The following PSIP1 variants were observed in gnomAD, a reference collection of about 807,000 sequenced individuals.
The protein encoded by PSIP1 is PC4 and SFRS1-interacting protein.
A neutral mutation model predicts 74.7 loss-of-function variants in PSIP1; 19 were observed. The observed-to-expected ratio is 0.25, with a 90% CI of 0.18 to 0.37. The LOEUF is 0.37. Ranked by LOEUF, PSIP1 falls within the 10% of genes least tolerant of loss-of-function variation. The pLI, the probability that PSIP1 is intolerant of heterozygous loss-of-function variation, is 1.00. For synonymous variants in PSIP1, 222 were observed against 195.3 expected, an observed-to-expected ratio of 1.14 and a Z score of -1.14; for missense variants, 601 against 614.3, an observed-to-expected ratio of 0.98 and a Z score of 0.23.
Position 15,486,942 on chromosome 9 carries a change from T to A in PSIP1, c.289-11A>T, listed in dbSNP as rs761934343. ...TTGTTTAGTTGCTGCCTGTGAGCAATCAACTCTATTAATTTCAAAAAATAA... is the reference window on the plus strand; with the variant it reads ...TTGTTTAGTTGCTGCCTGTGAGCAAACAACTCTATTAATTTCAAAAAATAA... On this transcript the variant is annotated splice_polypyrimidine_tract_variant and intron_variant, in intron 4 of 15. Coordinates refer to ENST00000380733, the MANE Select transcript of PSIP1 (RefSeq NM_033222.5). 3 of 1,534,368 alleles carry A rather than the reference T, an allele frequency of 2.0e-6. No individual in the cohort carries two copies. The highest frequency in any genetic ancestry group is 1.8e-6 in the Non-Finnish European group (2 of 1,116,976).
At chr9:15,491,410 A>C (rs560848647) in intron 3 of PSIP1, among the ~76,000 whole-genome samples, 1 of 152,352 alleles carries the variant, frequency 6.6e-6, no homozygotes, top group African/African-American at 2.4e-5. Context: ...AGGAGACTCA[A>C]GTCTTTCCAC....
chr9:15,475,146 T>A (rs1370973809), intron 8 of PSIP1, among the ~76,000 whole-genome samples: 1 of 152,190 alleles, frequency 6.6e-6, no homozygotes, highest in Non-Finnish European at 1.5e-5. Context: ...AGAGAAGAAA[T>A]TTACTTTTGC....
rs146794903 is a variant in PSIP1 at position 15,492,493 on chromosome 9, G to A, written c.150-2369C>T. ...TATGGTTTTGCATGGTACACAACCC[G>A]CCTCAGGCTGGTGTTGAATGTCTGC... On this transcript the variant is annotated intron_variant, in intron 3 of 15. Transcript: ENST00000380733. Among the ~76,000 whole-genome samples the A allele has an allele frequency of 1.6e-4, 24 of 152,244 alleles. No homozygotes were observed. In the East Asian group the frequency reaches 4.4e-3, roughly 28 times the overall value.
chr9:15,510,577 G>A (rs544985095), intron 1 of PSIP1, among the ~76,000 whole-genome samples: 1 of 152,128 alleles, frequency 6.6e-6, no homozygotes, highest in Admixed American at 6.5e-5. Context: ...ATCTTTCTCC[G>A]GGCTTTTTCC....
At position 15,510,131 on chromosome 9, in the gene PSIP1, G is replaced by A. The variant is rs781250003; in HGVS notation, c.58C>T (p.His20Tyr). ...AAATCACTTACTCGAGCTGGCCAAT[G>A]GGGATAACCTTTCATCTTGGCGAAG... ...LIFAKMKGYPHWPARVDEVPD... is the reference protein window; with the variant it reads ...LIFAKMKGYPYWPARVDEVPD... The change falls in exon 2 of 16, where the codon CAT (histidine) becomes TAT (tyrosine). Residue 20 changes from histidine to tyrosine, a missense_variant. By Grantham distance (83) the His-to-Tyr change is moderately conservative (BLOSUM62 2). Coordinates refer to ENST00000380733, the MANE Select transcript of PSIP1 (RefSeq NM_033222.5). The A allele has an allele frequency of 1.2e-6, 2 of 1,607,306 alleles. No homozygotes were observed. The highest frequency in any genetic ancestry group is 1.7e-6 in the Non-Finnish European group (2 of 1,177,062).
chr9:15,486,797 G>T, intron 5 of PSIP1, 30 bp downstream of exon 5: 1 of 1,483,220 alleles, frequency 6.7e-7, no homozygotes, highest in Non-Finnish European at 9.3e-7. Flanking sequence ...AACAAAATGG[G>T]TTTAAAATGT....
chr9:15,500,345 G>A (rs1323323464), intron 3 of PSIP1, among the ~76,000 whole-genome samples: 1 of 151,858 alleles, frequency 6.6e-6, no homozygotes, highest in Non-Finnish European at 1.5e-5. Flanking sequence ...AGCGCCTGTA[G>A]TCCCAGCTAC....
intron 5 of PSIP1, 33 bp from the exon 6 acceptor site, chr9:15,486,101 T>C (rs1177587257): frequency 1.3e-6 from 2 of 1,499,860 alleles, no homozygotes; most frequent in African/African-American, 2.8e-5. Flanking sequence ...GAATACTGAA[T>C]AAATTATTCC....
chr9:15,466,650 A>G lies in PSIP1; in HGVS notation c.1532+98T>C, dbSNP rs183892269. 1,340 of 896,936 alleles carry G rather than the reference A, an allele frequency of 1.5e-3. 25 individuals carry two copies. The South Asian group carries it at 0.025, about 17-fold the overall frequency. The allele number at this position is 896,936 out of a possible 1,614,324, so 55.6% of individuals were successfully genotyped here. On this transcript the variant is annotated intron_variant, in intron 15 of 15. Transcript: ENST00000380733. ...AATTCAGGAATTGGGTGATCAAAAG[A>G]TAACTGCTTATTATAGTAAGATAAC...
chr9:15,485,801 C>A, intron 6 of PSIP1: 2 of 419,054 alleles, frequency 4.8e-6, no homozygotes, highest in Non-Finnish European at 8.4e-6. Flanking sequence ...ATTTTATTTC[C>A]TTTACCACTC....
At chr9:15,491,306 CAG>C (rs1189108394) in intron 3 of PSIP1, among the ~76,000 whole-genome samples, 1 of 152,144 alleles carries the variant, frequency 6.6e-6, no homozygotes, top group Non-Finnish European at 1.5e-5. Flanking sequence ...TGGCAATAAA[CAG>C]ACTGCAAAAA....
chr9:15,493,367 T>A (rs1042018513), intron 3 of PSIP1, among the ~76,000 whole-genome samples: 1 of 152,198 alleles, frequency 6.6e-6, no homozygotes, highest in African/African-American at 2.4e-5. Flanking sequence ...GCCATATCAT[T>A]ATCAGCATTT....
At chr9:15,470,477 A>T (rs570041063) in intron 10 of PSIP1, among the ~76,000 whole-genome samples, 2 of 152,210 alleles carry the variant, frequency 1.3e-5, no homozygotes, top group African/African-American at 4.8e-5. Context: ...GACGTCCAGT[A>T]ACATTCACTA....
rs2035735949 is a variant in PSIP1 at position 15,468,948 on chromosome 9, A to G, written c.1206+9T>C. 5 of 1,611,978 alleles carry G rather than the reference A, an allele frequency of 3.1e-6. No individual in the cohort carries two copies. The African/African-American group carries it at 5.3e-5, about 17-fold the overall frequency. ...ATTCAAAGAATCCACATGACTTGAA[A>G]TCACTTACTTTTTTCAGTGTAGTAA... On this transcript the variant is annotated intron_variant, in intron 13 of 15. Transcript: ENST00000380733.
chr9:15,500,730 C>A (rs898018257), intron 3 of PSIP1, among the ~76,000 whole-genome samples: 2 of 152,090 alleles, frequency 1.3e-5, no homozygotes, highest in Admixed American at 1.3e-4. Flanking sequence ...TTTAAAGTTC[C>A]TAAAACTGAG....
At position 15,471,855 on chromosome 9, in the gene PSIP1, C is replaced by CTT. The variant is rs1352394534; in HGVS notation, c.977+776_977+777insAA. ...CTAGAGCATGTTTTAAAAATCACCT[C>CTT]ACTAAAACAACAACAAAAAAACAAA... is the stretch of plus-strand genomic sequence containing the variant. On this transcript the variant is annotated intron_variant, in intron 10 of 15. Coordinates refer to ENST00000380733, the MANE Select transcript of PSIP1 (RefSeq NM_033222.5). 3 of 973,454 alleles carry CTT rather than the reference C, an allele frequency of 3.1e-6. No individual in the cohort carries two copies. In the East Asian group the frequency reaches 3.4e-4, roughly 111 times the overall value. 60.3% of individuals were successfully genotyped at this position (973,454 alleles called of 1,614,324 possible).
intron 11 of PSIP1, 32 bp downstream of exon 11, chr9:15,469,906 T>G (rs1039832935): frequency 3.8e-6 from 6 of 1,564,930 alleles, no homozygotes; most frequent in Non-Finnish European, 5.3e-6. Flanking sequence ...CCATGTATAA[T>G]TTTATGTATC....
chr9:15,467,714 ATAAC>A (rs2035693152), intron 14 of PSIP1, among the ~76,000 whole-genome samples: 1 of 152,240 alleles, frequency 6.6e-6, no homozygotes, highest in African/African-American at 2.4e-5. Context: ...TGAAAAGAAA[ATAAC>A]TACTGTTAGT....
chr9:15,489,126 A>G (rs1470630431), intron 4 of PSIP1: 3 of 152,200 alleles, frequency 2.0e-5, no homozygotes, highest in African/African-American at 7.2e-5. Context: ...ATAAAGGCAA[A>G]CCACTCCATG....
Sources: gnomAD v4.1 joint callset for allele counts (sites outside exome capture counted in the v4.1 genomes callset) on GRCh38, gnomAD v4.1.1 for gene constraint, MANE v1.5 for transcripts, NCBI Gene and HGNC (gene_info 2026-07-23, HGNC 2026-07-21) for gene names.